The following NTN1 variants were observed in gnomAD, a reference collection of about 807,000 sequenced individuals.
The protein encoded by NTN1 is netrin-1.
A neutral mutation model predicts 54.2 loss-of-function variants in NTN1; 11 were observed. The observed-to-expected ratio is 0.20, with a 90% confidence interval of 0.13 to 0.34. NTN1 has a LOEUF of 0.34. Among genes scored for constraint, NTN1 ranks in the 10% least tolerant of loss-of-function variants. The pLI is 1.00. For missense variants in NTN1, 740 were observed against 893.1 expected (o/e 0.83, Z 2.18); for synonymous variants, 371 against 382.0 (o/e 0.97, Z 0.33).
chr17:9,159,778 G>A (rs1161183571), intron 2 of NTN1, among the ~76,000 whole-genome samples: 1 of 152,034 alleles, frequency 6.6e-6, no homozygotes, highest in Non-Finnish European at 1.5e-5. Context: ...TCCAGCCTGG[G>A]CTACAGAACG....
chr17:9,209,063 A>C (rs1278754427), intron 5 of NTN1, among the ~76,000 whole-genome samples: 1 of 152,196 alleles, frequency 6.6e-6, no homozygotes, highest in East Asian at 1.9e-4. Context: ...AGTTGGCAGC[A>C]CCTTCTCATC....
At chr17:9,126,247 G>A (rs570319245) in intron 2 of NTN1, among the ~76,000 whole-genome samples, 6 of 152,340 alleles carry the variant, frequency 3.9e-5, no homozygotes, top group South Asian at 2.1e-4. Context: ...GATGGCTCAC[G>A]CCTGTAATCC....
intron 5 of NTN1, chr17:9,183,323 G>T: frequency 1.8e-6 from 1 of 543,178 alleles, no homozygotes; most frequent in South Asian, 1.5e-5. Flanking sequence ...GAAGGAGCCA[G>T]ATGCTGGGGA....
chr17:9,235,336 G>A (rs969397214), intron 6 of NTN1, among the ~76,000 whole-genome samples: 56 of 152,188 alleles, frequency 3.7e-4, no homozygotes, highest in African/African-American at 1.3e-3. Flanking sequence ...CTGCCTTTCT[G>A]AGAGCAATCT....
At chr17:9,108,358 G>A (rs775261533) in intron 2 of NTN1, among the ~76,000 whole-genome samples, 10 of 152,016 alleles carry the variant, frequency 6.6e-5, no homozygotes, top group South Asian at 2.1e-4. Flanking sequence ...GGGGTGCCTC[G>A]TACCCTGGCC....
In NTN1 at chr17:9,239,866, G is replaced by A; in HGVS notation, c.1713G>A (p.Val571=). The stretch of plus-strand genomic sequence containing the variant: ...ACTCTCCGGACCAGAGCGGCATCGT[G>A]GCCGATAAAAGCAGCCTGGTGATCC... ...AEDSPDQSGI[V]ADKSSLVIQW... The change falls in exon 7 of 7, where the codon GTG becomes GTA. Residue 571 remains valine, a synonymous_variant. Transcript: ENST00000173229. The surrounding 1 kb of genome is among the most constrained non-coding windows in gnomAD (Gnocchi z 5.2). 7 of 1,612,340 alleles carry A rather than the reference G, an allele frequency of 4.3e-6. No individual in the cohort carries two copies. Among genetic ancestry groups the A allele is most frequent in the South Asian group, 1.1e-5 (1 of 90,728 alleles).
At chr17:9,164,460 A>G (rs1046776923) in intron 3 of NTN1, among the ~76,000 whole-genome samples, 1 of 152,098 alleles carries the variant, frequency 6.6e-6, no homozygotes, top group African/African-American at 2.4e-5. Context: ...TGGGGGAAAA[A>G]AAAAAGAAAG....
chr17:9,054,778 A>G (rs1170131280), intron 2 of NTN1, among the ~76,000 whole-genome samples: 3 of 152,076 alleles, frequency 2.0e-5, no homozygotes, highest in Non-Finnish European at 4.4e-5. Flanking sequence ...GAGTCCGTCC[A>G]TCAGGAACAC....
chr17:9,010,521 G>A, the NTN1 span, among the ~76,000 whole-genome samples: 1 of 152,218 alleles, frequency 6.6e-6, no homozygotes, highest in African/African-American at 2.4e-5. Flanking sequence ...TAAGACCAGC[G>A]TGTTAGTGGT....
At chr17:9,075,257 G>T (rs575581028) in intron 2 of NTN1, among the ~76,000 whole-genome samples, 3 of 152,308 alleles carry the variant, frequency 2.0e-5, no homozygotes, top group Admixed American at 1.3e-4. Context: ...GAGGCGGGTG[G>T]AATACTTGAG....
intron 2 of NTN1, among the ~76,000 whole-genome samples, chr17:9,056,723 C>G (rs957989771): frequency 1.3e-5 from 2 of 152,164 alleles, no homozygotes; most frequent in African/African-American, 4.8e-5. Context: ...GCCCAGCTCA[C>G]TGGAAACGTG....
chr17:9,137,388 G>A (rs1400929390), intron 2 of NTN1, among the ~76,000 whole-genome samples: 2 of 152,216 alleles, frequency 1.3e-5, no homozygotes, highest in Admixed American at 1.3e-4. Flanking sequence ...ACCTAGAACA[G>A]AACTGGCATG....
intron 5 of NTN1, among the ~76,000 whole-genome samples, chr17:9,220,130 G>A (rs914497813): frequency 1.3e-5 from 2 of 152,238 alleles, no homozygotes; most frequent in African/African-American, 2.4e-5. Flanking sequence ...GCCTAACCAA[G>A]AGTGCAGGGA....
rs562367323 is a variant in NTN1 at position 9,181,454 on chromosome 17, T to C, written c.1358-1462T>C. 1.4e-3 allele frequency among the ~76,000 whole-genome samples: 220 copies of C among 152,324 alleles called. 1 individual carries two copies. Among genetic ancestry groups the C allele is most frequent in the African/African-American group, 5.0e-3 (208 of 41,572 alleles). ...GCAGGATTAGACTGGACCATTCAGATGTTGCCTCCAGGATGTTCCTGCTGG... is the reference window on the plus strand; with the variant it reads ...GCAGGATTAGACTGGACCATTCAGACGTTGCCTCCAGGATGTTCCTGCTGG... On this transcript the variant is annotated intron_variant, in intron 4 of 6. Transcript: ENST00000173229.
intron 2 of NTN1, among the ~76,000 whole-genome samples, chr17:9,107,779 C>T (rs547378051): frequency 5.8e-4 from 88 of 152,318 alleles, no homozygotes; most frequent in African/African-American, 1.9e-3. Flanking sequence ...ACTGCAATGT[C>T]GGTGTTAAGT....
intron 2 of NTN1, among the ~76,000 whole-genome samples, chr17:9,092,111 A>G (rs931652331): frequency 6.6e-6 from 1 of 151,586 alleles, no homozygotes; most frequent in African/African-American, 2.4e-5. Flanking sequence ...GCTGGTCTCA[A>G]ACTCCCGACC....
intron 5 of NTN1, among the ~76,000 whole-genome samples, chr17:9,215,163 C>G (rs752962374): frequency 6.6e-6 from 1 of 151,722 alleles, no homozygotes; most frequent in Non-Finnish European, 1.5e-5. Context: ...GGGTTTTATT[C>G]CCCACCTCAT....
intron 2 of NTN1, among the ~76,000 whole-genome samples, chr17:9,124,969 A>G (rs1006095676): frequency 6.6e-6 from 1 of 152,204 alleles, no homozygotes; most frequent in African/African-American, 2.4e-5. Context: ...GGCACATGCT[A>G]CATGTTAGCA....
the NTN1 span, among the ~76,000 whole-genome samples, chr17:9,012,531 C>CAAA: frequency 8.8e-5 from 5 of 56,774 alleles, no homozygotes; most frequent in East Asian, 2.2e-3. Context: ...AAAACAAAAA[C>CAAA]AAAACAAAAA....
Sources: allele counts gnomAD v4.1 joint callset (sites outside exome capture counted in the v4.1 genomes callset), GRCh38; gene constraint gnomAD v4.1.1; non-coding constraint Gnocchi (gnomAD v3.1); transcripts MANE v1.5; gene names NCBI Gene and HGNC (gene_info 2026-07-23, HGNC 2026-07-21).